FILIP1L: variants seen among roughly 807,000 people sequenced by gnomAD.
FILIP1L encodes the protein filamin A-interacting protein 1-like.
In FILIP1L, 55 loss-of-function variants were observed where a neutral mutation model predicts 96.6. That is an observed-to-expected ratio of 0.57 (90% CI 0.46 to 0.71). The LOEUF is 0.71. Ranked by LOEUF, FILIP1L falls within the 30% of genes least tolerant of loss-of-function variation. The pLI is 0.00. For synonymous variants in FILIP1L, 467 were observed against 473.9 expected, an observed-to-expected ratio of 0.99 and a Z score of 0.19; for missense variants, 1,304 against 1,321.2, an observed-to-expected ratio of 0.99 and a Z score of 0.20.
At chr3:100,090,765 A>G (rs1055447371) in intron 1 of FILIP1L, among the ~76,000 whole-genome samples, 1 of 152,088 alleles carries the variant, frequency 6.6e-6, no homozygotes, top group Non-Finnish European at 1.5e-5. Context: ...TCTGATCACC[A>G]CTGTCCTAGG....
chr3:99,851,466 G>A (rs1943694031), intron 4 of FILIP1L, among the ~76,000 whole-genome samples: 1 of 152,170 alleles, frequency 6.6e-6, no homozygotes, highest in Non-Finnish European at 1.5e-5. Context: ...ATTGATCTGG[G>A]CAGTTATTTA....
At chr3:99,969,514 G>C (rs1265967616) in intron 1 of FILIP1L, among the ~76,000 whole-genome samples, 1 of 152,164 alleles carries the variant, frequency 6.6e-6, no homozygotes, top group African/African-American at 2.4e-5. Flanking sequence ...CGTTTGAATT[G>C]ATTCTAAAGA....
chr3:99,929,584 G>A (rs575183811), intron 3 of FILIP1L, among the ~76,000 whole-genome samples: 1 of 151,998 alleles, frequency 6.6e-6, no homozygotes, highest in Non-Finnish European at 1.5e-5. Flanking sequence ...GTGTGTGTAT[G>A]TGCCTGCACA....
intron 1 of FILIP1L, among the ~76,000 whole-genome samples, chr3:100,076,527 G>A (rs1349770518): frequency 6.6e-6 from 1 of 152,180 alleles, no homozygotes; most frequent in African/African-American, 2.4e-5. Context: ...GTGGGTTACA[G>A]TATCTATCTG....
At chr3:99,927,029 C>T (rs1003695940) in intron 3 of FILIP1L, among the ~76,000 whole-genome samples, 2 of 152,178 alleles carry the variant, frequency 1.3e-5, no homozygotes, top group African/African-American at 4.8e-5. Context: ...AACCTCCTGC[C>T]ACCTTGGCCC....
At chr3:99,952,126 G>T (rs1359582090) in intron 1 of FILIP1L, among the ~76,000 whole-genome samples, 1 of 151,678 alleles carries the variant, frequency 6.6e-6, no homozygotes, top group Non-Finnish European at 1.5e-5. Context: ...ATCACCAGAG[G>T]TTGTTAAGAG....
chr3:100,042,589 T>C, intron 1 of FILIP1L, among the ~76,000 whole-genome samples: 1 of 152,226 alleles, frequency 6.6e-6, no homozygotes. Flanking sequence ...GGTTCAGACA[T>C]TGTTAACCAG....
chr3:100,105,760 G>A (rs1165048400), intron 1 of FILIP1L, among the ~76,000 whole-genome samples: 1 of 152,138 alleles, frequency 6.6e-6, no homozygotes, highest in Non-Finnish European at 1.5e-5. Flanking sequence ...CTTTTTAGAA[G>A]CCCATGCTTC....
chr3:99,952,212 T>C (rs961283889), intron 1 of FILIP1L, among the ~76,000 whole-genome samples: 4 of 152,150 alleles, frequency 2.6e-5, no homozygotes, highest in Admixed American at 2.0e-4. Context: ...GGTCAATTTC[T>C]ATTTGAGATC....
chr3:99,938,674 G>A (rs574009759), intron 1 of FILIP1L, among the ~76,000 whole-genome samples: 1 of 152,232 alleles, frequency 6.6e-6, no homozygotes, highest in East Asian at 1.9e-4. Context: ...GAGCTGGTTG[G>A]CCCCTTTAAT....
In FILIP1L at chr3:99,849,420, T is replaced by G; in HGVS notation, c.2256A>C (p.Gln752His). The G allele has an allele frequency of 1.9e-6, 3 of 1,614,182 alleles. No individual in the cohort carries two copies. Among genetic ancestry groups the G allele is most frequent in the Admixed American group, 3.3e-5 (2 of 60,024 alleles). Residue 752 changes from glutamine (Q) to histidine (H), a missense_variant, in exon 5 of 6, where the codon CAA becomes CAC. Transcript: ENST00000477258. Reference protein sequence around the residue: ...DHSVLQKKLNQQENRNRDLGR... With the variant: ...DHSVLQKKLNHQENRNRDLGR... ...CTAAATCTCTGTTCCTGTTTTCTTG[T>G]TGATTTAGTTTTTTTTGCAGGACTG...
chr3:99,968,323 G>C lies in FILIP1L; in HGVS notation c.-10-37293C>G, dbSNP rs546717095. On this transcript the variant is annotated intron_variant, in intron 1 of 5. Coordinates refer to ENST00000477258, the MANE Select transcript of FILIP1L (RefSeq NM_001387850.1). ...CTTATTGTAGCCTAAATTGTACTTA[G>C]GGGTACGAGTGAGAAACAGGGATTA... Among the ~76,000 whole-genome samples the C allele has an allele frequency of 2.6e-5, 4 of 152,162 alleles. No individual in the cohort carries two copies. In the South Asian group the frequency reaches 8.3e-4, roughly 32 times the overall value.
At chr3:99,872,528 C>T (rs925134315) in intron 4 of FILIP1L, among the ~76,000 whole-genome samples, 4 of 152,032 alleles carry the variant, frequency 2.6e-5, no homozygotes, top group African/African-American at 9.7e-5. Context: ...CCCAATCATA[C>T]ACTTACCTAT....
At chr3:100,077,574 C>T (rs1020618187) in intron 1 of FILIP1L, among the ~76,000 whole-genome samples, 1 of 152,092 alleles carries the variant, frequency 6.6e-6, no homozygotes, top group African/African-American at 2.4e-5. Context: ...TAGCCTTCAT[C>T]CCCACAAGAA....
intron 1 of FILIP1L, among the ~76,000 whole-genome samples, chr3:99,947,137 CAAAAAAAAAAA>C (rs397829321): frequency 1.1e-5 from 1 of 88,826 alleles, no homozygotes; most frequent in Non-Finnish European, 2.1e-5. Flanking sequence ...GACTCTGTCT[CAAAAAAAAAAA>C]AAAAAAAAAG....
Position 99,850,990 on chromosome 3 carries a change from T to A in FILIP1L, c.686A>T (p.Lys229Ile). ...AGACTTCAGCTTGGTCAGCTCCTCT[T>A]TCAGGGTGGTGACCCTTTTCTCCTT... ...QEKEKRVTTL[K>I]EELTKLKSFA... Residue 229 changes from lysine (K) to isoleucine (I), a missense_variant, in exon 5 of 6, where the codon AAA becomes ATA. Transcript: ENST00000477258. 6.2e-7 allele frequency: 1 copy of A among 1,613,960 alleles called. No homozygotes were observed. The highest frequency in any genetic ancestry group is 8.5e-7 in the Non-Finnish European group (1 of 1,179,956).
chr3:100,019,526 G>C (rs2064767919), intron 1 of FILIP1L, among the ~76,000 whole-genome samples: 1 of 152,092 alleles, frequency 6.6e-6, no homozygotes, highest in South Asian at 2.1e-4. Context: ...GATTTTTAAA[G>C]TAATTTTTTA....
intron 4 of FILIP1L, among the ~76,000 whole-genome samples, chr3:99,923,526 C>G (rs1707188955): frequency 6.6e-6 from 1 of 152,178 alleles, no homozygotes; most frequent in African/African-American, 2.4e-5. Context: ...TCTAACCAGT[C>G]ACTAATTCAT....
intron 4 of FILIP1L, among the ~76,000 whole-genome samples, chr3:99,856,374 T>A (rs1045134200): frequency 6.6e-6 from 1 of 152,230 alleles, no homozygotes; most frequent in Non-Finnish European, 1.5e-5. Flanking sequence ...AAAGTCTTTA[T>A]GTACCCTCAG....
Sources: allele counts gnomAD v4.1 joint callset (sites outside exome capture counted in the v4.1 genomes callset), GRCh38; gene constraint gnomAD v4.1.1; transcripts MANE v1.5; gene names NCBI Gene and HGNC (gene_info 2026-07-23, HGNC 2026-07-21).